YIPF3: variants seen among roughly 807,000 people sequenced by gnomAD.
YIPF3 encodes Yip1 domain family member 3.
In YIPF3, 18 loss-of-function variants were observed where a neutral mutation model predicts 40.3. The observed-to-expected ratio is 0.45, with a 90% confidence interval of 0.31 to 0.66. The LOEUF (loss-of-function observed/expected upper bound fraction) is 0.66, where lower values mean the gene tolerates loss of function less well. YIPF3 is among the 30% of genes least tolerant of loss of function. The pLI is 0.07. For missense variants in YIPF3, 406 were observed against 452.2 expected (o/e 0.90, Z 0.93); for synonymous variants, 190 against 179.6 (o/e 1.06, Z -0.46).
chr6:43,514,612 T>G (rs1410133319), intron 3 of YIPF3, among the ~76,000 whole-genome samples: 1 of 152,172 alleles, frequency 6.6e-6, no homozygotes, highest in Non-Finnish European at 1.5e-5. Context: ...GTGTGCCCCA[T>G]CATAGAATGA....
rs1792710642 is a variant in YIPF3, at chr6:43,513,367, T to C, written c.526A>G (p.Thr176Ala). 1 of 1,614,078 alleles carries C rather than the reference T, an allele frequency of 6.2e-7. No homozygotes were observed. Among genetic ancestry groups the C allele is most frequent in the South Asian group, 1.1e-5 (1 of 91,086 alleles). ...ILLHGMKTSD[T>A]IIREGTLMGT... ...TTGTCTGTCCTGCTTACGATAATAG[T>C]GTCAGACGTCTTCATCCCATGGAGT... is the stretch of plus-strand genomic sequence containing the variant. Residue 176 changes from threonine to alanine, a missense_variant, in exon 5 of 9, where the codon ACT (threonine) becomes GCT (alanine). Coordinates refer to ENST00000372422, the MANE Select transcript of YIPF3 (RefSeq NM_015388.4).
rs1792702987 is a variant in YIPF3 at position 43,512,928 on chromosome 6, C to A, written c.667-54G>T. ...TCATTCAGGTTGGGCTGCTTTCTGG[C>A]CCCTCATGGGGACCCTGGGAAACAC... On this transcript the variant is annotated intron_variant, in intron 6 of 8. Coordinates refer to ENST00000372422, the MANE Select transcript of YIPF3 (RefSeq NM_015388.4). The A allele has an allele frequency of 6.9e-6, 11 of 1,597,922 alleles. No homozygotes were observed. The East Asian group carries it at 2.5e-4, about 36-fold the overall frequency.
chr6:43,515,838 G>C (rs1216771613), intron 2 of YIPF3, 51 bp downstream of exon 2: 2 of 1,587,836 alleles, frequency 1.3e-6, no homozygotes, highest in Non-Finnish European at 1.7e-6. Context: ...CCAGAACACG[G>C]GACATACCTA....
chr6:43,512,411 T>C, intron 8 of YIPF3, 29 bp downstream of exon 8: 1 of 1,613,976 alleles, frequency 6.2e-7, no homozygotes, highest in Non-Finnish European at 8.5e-7. Context: ...TTTCCCATTC[T>C]CCCCCACCCA....
At position 43,516,821 on chromosome 6, in the gene YIPF3, T is replaced by C. The variant is rs780012437; in HGVS notation, c.-14A>G. Reference sequence around the variant, plus strand: ...TGTAGTTGCCATGTCCCTTGAGGGCTCCCGTCGCTGAAACCCGCGCTAGCC... The same window carrying C: ...TGTAGTTGCCATGTCCCTTGAGGGCCCCCGTCGCTGAAACCCGCGCTAGCC... On this transcript the variant is annotated 5_prime_UTR_variant, in exon 1 of 9. Transcript: ENST00000372422. The C allele has an allele frequency of 7.7e-6, 12 of 1,562,908 alleles. No individual in the cohort carries two copies. Among genetic ancestry groups the C allele is most frequent in the Non-Finnish European group, 1.0e-5 (12 of 1,153,388 alleles).
intron 1 of YIPF3, 40 bp from the exon 2 acceptor site, chr6:43,516,135 TTCCA>T (rs770402802): frequency 6.2e-7 from 1 of 1,611,672 alleles, no homozygotes; most frequent in Non-Finnish European, 8.5e-7. Context: ...GACTTTTCTG[TTCCA>T]TCCATTAAGT....
At chr6:43,512,905 A>T (rs1267642811) in intron 6 of YIPF3, 31 bp from the exon 7 acceptor site, 1 of 1,607,616 alleles carries the variant, frequency 6.2e-7, no homozygotes, top group African/African-American at 1.3e-5. Flanking sequence ...GAGGAAAATC[A>T]TTCAGGTTGG....
chr6:43,512,106 AAT>A lies in YIPF3; in HGVS notation c.*59_*60del. ...AAACATGTCATCAGGACTGTCCTTT[AAT>A]AGTCTTCCTCCTCTCTGCAGCTGCG... On this transcript the variant is annotated 3_prime_UTR_variant, in exon 9 of 9. Coordinates refer to ENST00000372422, the MANE Select transcript of YIPF3 (RefSeq NM_015388.4). The A allele has an allele frequency of 6.2e-7, 1 of 1,608,360 alleles. No individual in the cohort carries two copies. Among genetic ancestry groups the A allele is most frequent in the East Asian group, 2.2e-5 (1 of 44,874 alleles).
Position 43,513,205 on chromosome 6 carries a change from G to A in YIPF3, c.535-5C>T, listed in dbSNP as rs1015162481. 6.2e-6 allele frequency: 10 copies of A among 1,614,082 alleles called. 1 individual carries two copies. Among genetic ancestry groups the A allele is most frequent in the Middle Eastern group, 1.6e-4 (1 of 6,062 alleles). On this transcript the variant is annotated splice_region_variant and splice_polypyrimidine_tract_variant and intron_variant, in intron 5 of 8. Coordinates refer to ENST00000372422, the MANE Select transcript of YIPF3 (RefSeq NM_015388.4). ...GCCCATCAGGGTGCCCTCCCGCTGT[G>A]GGGTGAAGGCTCTATTTAGTCCTAG...
chr6:43,513,218 T>C lies in YIPF3; in HGVS notation c.535-18A>G. 6.2e-7 allele frequency: 1 copy of C among 1,613,984 alleles called. No homozygotes were observed. Among genetic ancestry groups the C allele is most frequent in the Non-Finnish European group, 8.5e-7 (1 of 1,179,946 alleles). ...CCCTCCCGCTGTGGGGTGAAGGCTC[T>C]ATTTAGTCCTAGGAGGCCTCTGATC... On this transcript the variant is annotated intron_variant, in intron 5 of 8. Coordinates refer to ENST00000372422, the MANE Select transcript of YIPF3 (RefSeq NM_015388.4).
In YIPF3 at chr6:43,516,058, TC is replaced by T; in HGVS notation, c.118del (p.Asp40MetfsTer23). ...CTCGAAGCTAGAGCCTGAGGTATCA[TC>T]CATGTTCTCCATGTCAATCACAGCT... Reference protein sequence around the residue: ...GSAVIDMENMDDTSGSSFEDM... With the variant: ...GSAVIDMENMXDTSGSSFEDM... On this transcript the variant is annotated frameshift_variant, in exon 2 of 9. Transcript: ENST00000372422. LOFTEE classifies it high-confidence loss of function. 2 of 1,614,252 alleles carry T rather than the reference TC, an allele frequency of 1.2e-6. No individual in the cohort carries two copies. Among genetic ancestry groups the T allele is most frequent in the Non-Finnish European group, 1.7e-6 (2 of 1,180,044 alleles).
intron 2 of YIPF3, 46 bp downstream of exon 2, chr6:43,515,843 T>C (rs970377324): frequency 2.5e-6 from 4 of 1,585,448 alleles, no homozygotes; most frequent in African/African-American, 2.7e-5. Flanking sequence ...ACACGGGACA[T>C]ACCTAGGTCT....
Position 43,512,113 on chromosome 6 carries a change from T to C in YIPF3, c.*54A>G. The stretch of plus-strand genomic sequence containing the variant: ...TCATCAGGACTGTCCTTTAATAGTC[T>C]TCCTCCTCTCTGCAGCTGCGGGAAA... On this transcript the variant is annotated 3_prime_UTR_variant, in exon 9 of 9. Transcript: ENST00000372422. 1.2e-6 allele frequency: 2 copies of C among 1,610,848 alleles called. No homozygotes were observed. Among genetic ancestry groups the C allele is most frequent in the South Asian group, 1.1e-5 (1 of 90,536 alleles).
At chr6:43,515,831 G>C in intron 2 of YIPF3, 58 bp downstream of exon 2, 1 of 1,590,514 alleles carries the variant, frequency 6.3e-7, no homozygotes, top group East Asian at 2.2e-5. Flanking sequence ...ACCAATTCCA[G>C]AACACGGGAC....
intron 1 of YIPF3, 83 bp downstream of exon 1, chr6:43,516,644 A>G: frequency 4.6e-6 from 7 of 1,507,088 alleles, no homozygotes; most frequent in East Asian, 2.3e-5. Flanking sequence ...GCGGACTTCC[A>G]GGCCCAGAGG....
intron 1 of YIPF3, 77 bp from the exon 2 acceptor site, chr6:43,516,172 G>A: frequency 6.3e-7 from 1 of 1,580,800 alleles, no homozygotes; most frequent in Non-Finnish European, 8.6e-7. Flanking sequence ...CCAGGGTTTA[G>A]GGCTTTGTTC....
At chr6:43,514,018 G>A (rs971775968) in intron 3 of YIPF3, among the ~76,000 whole-genome samples, 1 of 152,232 alleles carries the variant, frequency 6.6e-6, no homozygotes, top group Non-Finnish European at 1.5e-5. Flanking sequence ...GAGGCAGGCA[G>A]ATCACAAGGT....
At chr6:43,514,595 C>T (rs1280087964) in intron 3 of YIPF3, among the ~76,000 whole-genome samples, 3 of 152,164 alleles carry the variant, frequency 2.0e-5, no homozygotes, top group Non-Finnish European at 4.4e-5. Flanking sequence ...GCTCACATAT[C>T]CCTCCTGTGT....
rs765202672 is a variant in YIPF3 at position 43,515,992 on chromosome 6, A to C, written c.185T>G (p.Val62Gly). The C allele has an allele frequency of 6.2e-7, 1 of 1,614,028 alleles. No individual in the cohort carries two copies. The change falls in exon 2 of 9, where the codon GTA becomes GGA. Residue 62 changes from valine (V) to glycine (G), a missense_variant. Val to Gly is a moderately radical substitution (Grantham distance 109). Coordinates refer to ENST00000372422, the MANE Select transcript of YIPF3 (RefSeq NM_015388.4). ...ELHQRLREEEVDADAADAAAA... is the reference protein window; with the variant it reads ...ELHQRLREEEGDADAADAAAA... Reference sequence around the variant, plus strand: ...AGCTGCATCAGCTGCATCAGCGTCTACTTCTTCCTCGCGCAGGCGCTGATG... The same window carrying C: ...AGCTGCATCAGCTGCATCAGCGTCTCCTTCTTCCTCGCGCAGGCGCTGATG...
Sources: gnomAD v4.1 joint callset for allele counts (sites outside exome capture counted in the v4.1 genomes callset) on GRCh38, gnomAD v4.1.1 for gene constraint, MANE v1.5 for transcripts, NCBI Gene and HGNC (gene_info 2026-07-23, HGNC 2026-07-21) for gene names.